NCALD: variants seen among roughly 807,000 people sequenced by gnomAD.
NCALD encodes the protein neurocalcin delta, also known as neurocalcin-delta.
In NCALD, 10 loss-of-function variants were observed where a neutral mutation model predicts 18.6. The observed-to-expected ratio is 0.54, with a 90% CI of 0.33 to 0.91. The LOEUF (loss-of-function observed/expected upper bound fraction) is 0.91. Among genes scored for constraint, NCALD ranks in the 40% least tolerant of loss-of-function variants. NCALD has a pLI of 0.03. For synonymous variants in NCALD, 88 were observed against 87.4 expected (o/e 1.01, Z -0.04); for missense variants, 184 against 247.6 (o/e 0.74, Z 1.72).
chr8:101,883,044 T>G lies in NCALD; in HGVS notation c.-20+4097A>C, dbSNP rs185850339. Among the ~76,000 whole-genome samples, 454 of 152,320 alleles carry G rather than the reference T, an allele frequency of 3.0e-3. 2 individuals carry two copies. Among genetic ancestry groups the G allele is most frequent in the Non-Finnish European group, 4.7e-3 (322 of 68,022 alleles). ...AAATGTGCAAAATGTATAAAGCATA[T>G]TAAATATATAAGGTATAATAAGGTC... On this transcript the variant is annotated intron_variant, in intron 4 of 6. Transcript: ENST00000311028.
intron 1 of NCALD, among the ~76,000 whole-genome samples, chr8:102,040,582 C>T (rs1563566117): frequency 6.6e-6 from 1 of 152,086 alleles, no homozygotes; most frequent in East Asian, 1.9e-4. Context: ...GAAAGAACAC[C>T]CACTCAGCCT....
chr8:101,748,367 C>A (rs1810512590), intron 1 of NCALD, among the ~76,000 whole-genome samples: 1 of 152,208 alleles, frequency 6.6e-6, no homozygotes, highest in South Asian at 2.1e-4. Flanking sequence ...ATTCACAGTG[C>A]ACCCTAGGTG....
At chr8:101,995,442 C>G (rs1303177110) in intron 2 of NCALD, among the ~76,000 whole-genome samples, 2 of 152,112 alleles carry the variant, frequency 1.3e-5, no homozygotes, top group Non-Finnish European at 2.9e-5. Flanking sequence ...GTTCTGCAGG[C>G]TGTATAGGAA....
intron 4 of NCALD, chr8:101,871,833 G>A: frequency 2.1e-6 from 1 of 471,136 alleles, no homozygotes; most frequent in Non-Finnish European, 3.8e-6. Flanking sequence ...TGCAGCCTCA[G>A]TCACCCTTGG....
intron 3 of NCALD, among the ~76,000 whole-genome samples, chr8:101,891,916 G>A (rs547287117): frequency 8.9e-4 from 135 of 152,310 alleles, no homozygotes; most frequent in Non-Finnish European, 1.7e-3. Flanking sequence ...CAAACTGCAA[G>A]GCGGCAGCGA....
At chr8:101,700,770 G>A (rs1454306078) in intron 2 of NCALD, among the ~76,000 whole-genome samples, 1 of 152,158 alleles carries the variant, frequency 6.6e-6, no homozygotes, top group Non-Finnish European at 1.5e-5. Context: ...TAGGCTAAAG[G>A]AGTGGGGTTG....
At chr8:102,081,520 A>G (rs538893974) in intron 1 of NCALD, among the ~76,000 whole-genome samples, 3 of 135,562 alleles carry the variant, frequency 2.2e-5, no homozygotes, top group Non-Finnish European at 3.1e-5. Flanking sequence ...TTTCTGATTT[A>G]AGTCAAGGAG....
intron 1 of NCALD, among the ~76,000 whole-genome samples, chr8:101,743,058 A>T (rs1277865994): frequency 6.6e-6 from 1 of 152,194 alleles, no homozygotes; most frequent in Non-Finnish European, 1.5e-5. Flanking sequence ...TATGTATTAA[A>T]GAGTGTATTT....
At chr8:102,072,131 A>G (rs1024994363) in intron 1 of NCALD, among the ~76,000 whole-genome samples, 2 of 152,212 alleles carry the variant, frequency 1.3e-5, no homozygotes, top group African/African-American at 4.8e-5. Context: ...GGCACTTTAT[A>G]AGAGCAGATA....
chr8:102,123,950 T>C (rs192690643), intron 1 of NCALD: 1 of 152,860 alleles, frequency 6.5e-6, no homozygotes, highest in Admixed American at 6.5e-5. Context: ...CTCTGCAAAG[T>C]TGCTCTCTCC....
intron 3 of NCALD, among the ~76,000 whole-genome samples, chr8:101,914,543 G>T (rs1192053297): frequency 6.6e-6 from 1 of 152,112 alleles, no homozygotes; most frequent in African/African-American, 2.4e-5. Context: ...CCCCTGAAAG[G>T]CAGAGTATCT....
At chr8:102,036,943 C>A (rs1050922980) in intron 1 of NCALD, among the ~76,000 whole-genome samples, 2 of 151,976 alleles carry the variant, frequency 1.3e-5, no homozygotes, top group Non-Finnish European at 2.9e-5. Flanking sequence ...ATATTTTGAT[C>A]CAGAGGCTTT....
chr8:102,040,254 A>C (rs2132172799), intron 1 of NCALD, among the ~76,000 whole-genome samples: 1 of 152,254 alleles, frequency 6.6e-6, no homozygotes, highest in South Asian at 2.1e-4. Context: ...ATGCTACTAC[A>C]GTTGAAATCT....
intron 1 of NCALD, among the ~76,000 whole-genome samples, chr8:102,075,630 C>T (rs770511646): frequency 9.2e-5 from 14 of 152,122 alleles, no homozygotes; most frequent in African/African-American, 2.7e-4. Context: ...ACTTAAGAGA[C>T]ATTGGCAAGA....
intron 1 of NCALD, among the ~76,000 whole-genome samples, chr8:101,738,223 C>T (rs1455262922): frequency 6.6e-6 from 1 of 152,046 alleles, no homozygotes; most frequent in Non-Finnish European, 1.5e-5. Context: ...TGATAGTATA[C>T]TCACTACAAA....
intron 1 of NCALD, among the ~76,000 whole-genome samples, chr8:101,768,742 A>G (rs979040188): frequency 1.3e-5 from 2 of 151,388 alleles, no homozygotes; most frequent in Non-Finnish European, 2.9e-5. Flanking sequence ...AAAAAGAAAG[A>G]AAGCAAGAAA....
chr8:101,820,565 A>G (rs184059995), intron 4 of NCALD, among the ~76,000 whole-genome samples: 14 of 152,302 alleles, frequency 9.2e-5, no homozygotes, highest in Admixed American at 2.0e-4. Context: ...ATACTGTAAA[A>G]AAATTAATAC....
upstream of NCALD, among the ~76,000 whole-genome samples, chr8:101,793,738 T>G (rs2131034873): frequency 6.6e-6 from 1 of 152,336 alleles, no homozygotes; most frequent in Middle Eastern, 3.4e-3. Flanking sequence ...GTGAAAATGA[T>G]TCACCAAATT....
At chr8:102,004,752 CA>C (rs939368081) in intron 2 of NCALD, among the ~76,000 whole-genome samples, 7 of 152,038 alleles carry the variant, frequency 4.6e-5, no homozygotes, top group Non-Finnish European at 1.5e-5. Flanking sequence ...TGATCTTTGA[CA>C]AATCTGACAA....
Sources: gnomAD v4.1 joint callset for allele counts (sites outside exome capture counted in the v4.1 genomes callset) on GRCh38, gnomAD v4.1.1 for gene constraint, MANE v1.5 for transcripts, NCBI Gene and HGNC (gene_info 2026-07-23, HGNC 2026-07-21) for gene names.